The following FAAH2 variants were observed in gnomAD, a reference collection of about 807,000 sequenced individuals.
The protein encoded by FAAH2 is fatty-acid amide hydrolase 2.
FAAH2 carries 60 observed loss-of-function variants against 36.9 expected under a neutral mutation model. The ratio of observed to expected loss-of-function variants is 1.63; its 90% CI spans 1.32 to 2.02. The LOEUF is 2.02. Ranked by LOEUF, FAAH2 falls within the 30% of genes most tolerant of loss-of-function variation. FAAH2 has a pLI of 0.00. For synonymous variants in FAAH2, 214 were observed against 143.8 expected, an observed-to-expected ratio of 1.49 and a Z score of -3.49; for missense variants, 689 against 397.5, an observed-to-expected ratio of 1.73 and a Z score of -6.23.
chrX:57,370,475 A>C (rs988448952), intron 5 of FAAH2, among the ~76,000 whole-genome samples: 1 of 111,895 alleles, frequency 8.9e-6, no homozygotes, highest in Non-Finnish European at 1.9e-5. Flanking sequence ...CAAATATATA[A>C]GGCAAATATT....
intron 3 of FAAH2, among the ~76,000 whole-genome samples, chrX:57,314,990 AAG>A (rs1406812724): frequency 2.7e-5 from 3 of 111,371 alleles, no homozygotes; most frequent in Non-Finnish European, 5.7e-5. Context: ...CAATGAAATT[AAG>A]AGTTTGTTTT....
chrX:57,419,816 T>C (rs888590113), intron 7 of FAAH2, among the ~76,000 whole-genome samples: 1 of 111,943 alleles, frequency 8.9e-6, no homozygotes, highest in African/African-American at 3.2e-5. Flanking sequence ...TGAATGGTAA[T>C]GCCTAGGTTT....
chrX:57,419,133 T>G (rs1402581100), intron 7 of FAAH2, among the ~76,000 whole-genome samples: 1 of 109,457 alleles, frequency 9.1e-6, no homozygotes, highest in East Asian at 2.9e-4. Context: ...GACATTTGGG[T>G]TGGTTCCAAG....
At chrX:57,481,636 C>A (rs1201800688) in intron 10 of FAAH2, among the ~76,000 whole-genome samples, 1 of 111,840 alleles carries the variant, frequency 8.9e-6, no homozygotes, top group Non-Finnish European at 1.9e-5. Context: ...GGGGCACCAA[C>A]CTGATGCCAG....
intron 10 of FAAH2, among the ~76,000 whole-genome samples, chrX:57,475,097 C>T (rs1349239767): frequency 8.9e-6 from 1 of 111,738 alleles, no homozygotes; most frequent in Non-Finnish European, 1.9e-5. Context: ...GATATTAGAC[C>T]TTTGTCAGAT....
intron 3 of FAAH2, among the ~76,000 whole-genome samples, chrX:57,331,011 G>A (rs2053389280): frequency 9.0e-6 from 1 of 110,731 alleles, no homozygotes; most frequent in Non-Finnish European, 1.9e-5. Context: ...AGATTGGACT[G>A]GACCTGAATC....
At chrX:57,238,649 C>T in the FAAH2 span, among the ~76,000 whole-genome samples, 6 of 111,710 alleles carry the variant, frequency 5.4e-5, no homozygotes, top group Non-Finnish European at 9.4e-5. Context: ...AAAAAACTTC[C>T]TTTTAAAAAT....
At chrX:57,244,415 G>A in the FAAH2 span, among the ~76,000 whole-genome samples, 1 of 110,792 alleles carries the variant, frequency 9.0e-6, no homozygotes, top group South Asian at 3.9e-4. Flanking sequence ...CATACTCCTC[G>A]AGAAGAGGAA....
the FAAH2 span, among the ~76,000 whole-genome samples, chrX:57,122,359 C>T: frequency 1.8e-5 from 2 of 111,531 alleles, no homozygotes; most frequent in Non-Finnish European, 1.9e-5. Flanking sequence ...GCACTTGGTC[C>T]GTAAAACTCA....
chrX:57,382,265 A>G (rs1333109433), intron 7 of FAAH2, among the ~76,000 whole-genome samples: 1 of 111,766 alleles, frequency 8.9e-6, no homozygotes, highest in Non-Finnish European at 1.9e-5. Flanking sequence ...AATTAAAAGA[A>G]CTAGAGAAGC....
At chrX:57,361,231 A>G (rs1203712060) in intron 5 of FAAH2, among the ~76,000 whole-genome samples, 2 of 111,440 alleles carry the variant, frequency 1.8e-5, no homozygotes, top group Non-Finnish European at 3.8e-5. Context: ...TCCATGGCTC[A>G]CCATCTTAGG....
intron 2 of FAAH2, among the ~76,000 whole-genome samples, chrX:57,303,759 T>A (rs1352236942): frequency 4.5e-5 from 5 of 111,800 alleles, no homozygotes; most frequent in Non-Finnish European, 9.4e-5. Context: ...GATTAATATT[T>A]TGCCGTGCCT....
chrX:57,281,159 G>A, the FAAH2 span, among the ~76,000 whole-genome samples: 2 of 111,723 alleles, frequency 1.8e-5, no homozygotes, highest in African/African-American at 6.5e-5. Flanking sequence ...TTCTCATTAT[G>A]ACATTGTACT....
At chrX:57,380,589 T>A (rs1377528732) in intron 6 of FAAH2, among the ~76,000 whole-genome samples, 1 of 111,537 alleles carries the variant, frequency 9.0e-6, no homozygotes, top group African/African-American at 3.3e-5. Flanking sequence ...TACTAATGAT[T>A]TCTTACATCT....
chrX:57,331,151 T>C (rs1053933253), intron 3 of FAAH2, among the ~76,000 whole-genome samples: 1 of 111,874 alleles, frequency 8.9e-6, no homozygotes, highest in Non-Finnish European at 1.9e-5. Flanking sequence ...TGGCATCAAG[T>C]CTTCCAGGCT....
chrX:57,306,564 GC>G (rs2052528306), intron 2 of FAAH2, among the ~76,000 whole-genome samples: 1 of 108,000 alleles, frequency 9.3e-6, no homozygotes, highest in Admixed American at 1.0e-4. Flanking sequence ...TCATTTAAGA[GC>G]CCTGCCATTA....
At chrX:57,287,478 T>C (rs1022960708) in intron 1 of FAAH2, among the ~76,000 whole-genome samples, 10 of 111,910 alleles carry the variant, frequency 8.9e-5, no homozygotes, top group Non-Finnish European at 1.5e-4. Context: ...TCTAGGATAG[T>C]AAAAGCTGCG....
the FAAH2 span, among the ~76,000 whole-genome samples, chrX:57,230,115 A>G: frequency 9.0e-6 from 1 of 111,278 alleles, no homozygotes; most frequent in Non-Finnish European, 1.9e-5. Flanking sequence ...ATTCATGGAG[A>G]CTCCTAGTCA....
chrX:57,288,454 A>T lies in FAAH2; in HGVS notation c.192+1437A>T, dbSNP rs982954836. Among the ~76,000 whole-genome samples the T allele has an allele frequency of 3.1e-5, 3 of 95,311 alleles. No homozygotes were observed. In the East Asian group the frequency reaches 1.0e-3, roughly 32 times the overall value. The allele number at this position is 95,311 out of a possible 115,157, so 82.8% of individuals were successfully genotyped here. On this transcript the variant is annotated intron_variant, in intron 1 of 10. Coordinates refer to ENST00000374900, the MANE Select transcript of FAAH2 (RefSeq NM_174912.4). Reference sequence around the variant, plus strand: ...AAGCTCCGCCTCCCGGGTTGACGCCATTCTCCTGCCTCAGCCTCCCGAGTA... The same window carrying T: ...AAGCTCCGCCTCCCGGGTTGACGCCTTTCTCCTGCCTCAGCCTCCCGAGTA...
Sources: allele counts gnomAD v4.1 joint callset (sites outside exome capture counted in the v4.1 genomes callset), GRCh38; gene constraint gnomAD v4.1.1; transcripts MANE v1.5; gene names NCBI Gene and HGNC (gene_info 2026-07-23, HGNC 2026-07-21).